DSTYK: variants seen among roughly 807,000 people sequenced by gnomAD.
DSTYK encodes the protein RIP-homologous kinase.
Under a neutral mutation model 98.7 loss-of-function variants are expected in DSTYK, and 34 were observed. That is an observed-to-expected ratio of 0.34 (90% CI 0.26 to 0.46). The LOEUF (loss-of-function observed/expected upper bound fraction) is 0.46. Ranked by LOEUF, DSTYK falls within the 20% of genes least tolerant of loss-of-function variation. The pLI, the probability that DSTYK is intolerant of heterozygous loss-of-function variation, is 1.00. For synonymous variants in DSTYK, 462 were observed against 457.3 expected (o/e 1.01, Z -0.13); for missense variants, 962 against 1,181.7 (o/e 0.81, Z 2.73).
chr1:205,210,836 C>CG (rs1320426088), intron 1 of DSTYK, among the ~76,000 whole-genome samples: 7 of 152,262 alleles, frequency 4.6e-5, no homozygotes, highest in Non-Finnish European at 5.9e-5. Context: ...ATGGCCTCCT[C>CG]GGACTCCCGG....
intron 10 of DSTYK, among the ~76,000 whole-genome samples, chr1:205,156,056 A>G (rs113667102): frequency 0.024 from 3,581 of 152,350 alleles, 59 homozygotes; most frequent in East Asian, 0.065. Flanking sequence ...CATAGAAATC[A>G]AGAATTGTGG....
intron 11 of DSTYK, among the ~76,000 whole-genome samples, chr1:205,149,029 A>G (rs1657327475): frequency 6.6e-6 from 1 of 151,522 alleles, no homozygotes; most frequent in South Asian, 2.1e-4. Flanking sequence ...CAGCCTCCCG[A>G]GTAGCTGGGA....
At chr1:205,207,898 CAG>C (rs1439571839) in intron 1 of DSTYK, among the ~76,000 whole-genome samples, 1 of 151,128 alleles carries the variant, frequency 6.6e-6, no homozygotes, top group Non-Finnish European at 1.5e-5. Context: ...TTTTTTGAGA[CAG>C]AGTTTCGCTC....
At chr1:205,157,517 G>A (rs1174696506) in intron 9 of DSTYK, 131 bp from the exon 10 acceptor site, 2 of 654,646 alleles carry the variant, frequency 3.1e-6, no homozygotes, top group Non-Finnish European at 5.2e-6. Flanking sequence ...GCTCATGCCT[G>A]TAACCCCAGC....
At chr1:205,170,171 G>A (rs950804049) in intron 2 of DSTYK, among the ~76,000 whole-genome samples, 1 of 152,170 alleles carries the variant, frequency 6.6e-6, no homozygotes, top group African/African-American at 2.4e-5. Flanking sequence ...AATAATGGAA[G>A]AAAAAGGAAT....
intron 1 of DSTYK, among the ~76,000 whole-genome samples, chr1:205,196,420 G>A (rs1177485643): frequency 1.3e-5 from 2 of 152,092 alleles, no homozygotes; most frequent in Admixed American, 6.6e-5. Context: ...AGCTAGGCAC[G>A]GTGGCATGTG....
chr1:205,204,588 T>TTTTA (rs1222434679), intron 1 of DSTYK, among the ~76,000 whole-genome samples: 1 of 152,182 alleles, frequency 6.6e-6, no homozygotes, highest in East Asian at 1.9e-4. Flanking sequence ...ATCACTCCCA[T>TTTTA]TTTATTTATT....
At chr1:205,202,597 A>G in intron 1 of DSTYK, 1 of 1,078,422 alleles carries the variant, frequency 9.3e-7, no homozygotes, top group Admixed American at 1.7e-5. Context: ...TGGTCGGATT[A>G]ACCCATACGT....
chr1:205,157,920 G>T (rs4951173), intron 9 of DSTYK, among the ~76,000 whole-genome samples: 28,657 of 152,108 alleles, frequency 0.19, 3,509 homozygotes, highest in East Asian at 0.52. Context: ...CTAGCAGATA[G>T]AACCAAACAA....
chr1:205,158,108 G>T (rs988388674), intron 9 of DSTYK, among the ~76,000 whole-genome samples: 6 of 152,054 alleles, frequency 3.9e-5, no homozygotes, highest in Non-Finnish European at 7.3e-5. Context: ...TTCAATTCAG[G>T]GTCTCCTGAA....
At position 205,169,284 on chromosome 1, in the gene DSTYK, C is replaced by T. The variant is rs778293150; in HGVS notation, c.1203G>A (p.Leu401=). Residue 401 remains leucine, a synonymous_variant, in exon 3 of 13, where the codon TTG becomes TTA. Coordinates refer to ENST00000367162, the MANE Select transcript of DSTYK (RefSeq NM_015375.3). This position sits in a 1 kb window ranked among gnomAD's most constrained non-coding sequence, Gnocchi z 4.0. ...LEYTRKKENE[L]YESLMNIANR... ...TGGCAATATTCATCAATGATTCATA[C>T]AACTCATTCTCCTTTTTTCGAGTAT... The T allele has an allele frequency of 4.3e-6, 7 of 1,614,012 alleles. No individual in the cohort carries two copies. The highest frequency in any genetic ancestry group is 3.3e-5 in the Admixed American group (2 of 59,988).
chr1:205,156,677 G>A (rs1055465494), intron 10 of DSTYK, among the ~76,000 whole-genome samples: 7 of 152,248 alleles, frequency 4.6e-5, no homozygotes, highest in African/African-American at 1.4e-4. Context: ...ATAAAACTTT[G>A]GACTTGGACT....
chr1:205,148,158 T>G lies in DSTYK; in HGVS notation c.2602+47A>C, dbSNP rs761585446. Reference sequence around the variant, plus strand: ...CCGGTGACATTGCCTGGGCTCAGTCTGCGCTAGCCAGGGGAGTTAGGACAA... The same window carrying G: ...CCGGTGACATTGCCTGGGCTCAGTCGGCGCTAGCCAGGGGAGTTAGGACAA... On this transcript the variant is annotated intron_variant, in intron 12 of 12. Transcript: ENST00000367162. The G allele has an allele frequency of 8.7e-6, 14 of 1,610,420 alleles. No individual in the cohort carries two copies. In the East Asian group the frequency reaches 2.9e-4, roughly 33 times the overall value.
At chr1:205,181,565 G>A (rs1418638696) in intron 2 of DSTYK, among the ~76,000 whole-genome samples, 1 of 151,900 alleles carries the variant, frequency 6.6e-6, no homozygotes, top group Non-Finnish European at 1.5e-5. Context: ...ATGTTGGCCA[G>A]GCTGGTCTCA....
chr1:205,187,436 C>A lies in DSTYK; in HGVS notation c.636G>T (p.Met212Ile). ...TTGGTACCTGTAAGAGAGCATGGTG[C>A]ATCGTTACCTCCAGTTCCGCTAAAA... ...AHVLAELEVT[M>I]HHALLQEVDV... is the part of the protein sequence containing the mutation. The change falls in exon 2 of 13, where the codon ATG (methionine) becomes ATT (isoleucine). Residue 212 changes from methionine to isoleucine, a missense_variant. By Grantham distance (10) the Met-to-Ile change is conservative (BLOSUM62 1). Around this residue, in one of 4 missense-constraint regions of DSTYK, gnomAD observed 660 missense variants for 855.0 expected, o/e 0.77. Transcript: ENST00000367162. 2.5e-6 allele frequency: 4 copies of A among 1,611,556 alleles called. No homozygotes were observed. The highest frequency in any genetic ancestry group is 3.4e-6 in the Non-Finnish European group (4 of 1,178,234).
chr1:205,179,961 T>C (rs1658347904), intron 2 of DSTYK, among the ~76,000 whole-genome samples: 2 of 152,102 alleles, frequency 1.3e-5, no homozygotes, highest in Non-Finnish European at 2.9e-5. Context: ...AGGAAAGAGG[T>C]AGAATCCTAG....
intron 1 of DSTYK, among the ~76,000 whole-genome samples, chr1:205,207,919 C>T (rs1659258096): frequency 6.6e-6 from 1 of 151,904 alleles, no homozygotes; most frequent in Non-Finnish European, 1.5e-5. Flanking sequence ...TCTTCTTGCC[C>T]AGGCTGGAGT....
In DSTYK at chr1:205,211,480, C is replaced by G. The variant is rs774633972; in HGVS notation, c.56G>C (p.Gly19Ala). The G allele has an allele frequency of 1.3e-6, 2 of 1,584,812 alleles. No homozygotes were observed. The highest frequency in any genetic ancestry group is 1.7e-6 in the Non-Finnish European group (2 of 1,169,846). ...GSEPVSGPGP[G>A]GGGMIRELCR... The stretch of plus-strand genomic sequence containing the variant: ...CAGCTCGCGGATCATTCCGCCGCCG[C>G]CGGGGCCGGGACCCGAGACGGGCTC... Residue 19 changes from glycine (G) to alanine (A), a missense_variant, in exon 1 of 13, where the codon GGC (glycine) becomes GCC (alanine). By Grantham distance (60) the Gly-to-Ala change is moderately conservative. Coordinates refer to ENST00000367162, the MANE Select transcript of DSTYK (RefSeq NM_015375.3).
At chr1:205,156,940 A>C (rs1172817292) in intron 10 of DSTYK, among the ~76,000 whole-genome samples, 1 of 152,116 alleles carries the variant, frequency 6.6e-6, no homozygotes, top group Non-Finnish European at 1.5e-5. Flanking sequence ...GTGAGTTCTA[A>C]TGAGATCTGA....
Sources: gnomAD v4.1 joint callset for allele counts (sites outside exome capture counted in the v4.1 genomes callset) on GRCh38, gnomAD v4.1.1 for gene constraint, gnomAD v4.1.1 regional missense constraint, Gnocchi (gnomAD v3.1) non-coding constraint, MANE v1.5 for transcripts, NCBI Gene and HGNC (gene_info 2026-07-23, HGNC 2026-07-21) for gene names.